SEMA6C: variants seen among roughly 807,000 people sequenced by gnomAD.
SEMA6C encodes the protein semaphorin 6C, also known as semaphorin-6C.
In SEMA6C, 37 loss-of-function variants were observed where a neutral mutation model predicts 72.9. The ratio of observed to expected loss-of-function variants is 0.51; its 90% CI spans 0.39 to 0.67. The LOEUF (loss-of-function observed/expected upper bound fraction) is 0.67. Ranked by LOEUF, SEMA6C falls within the 30% of genes least tolerant of loss-of-function variation. The pLI is 0.00. For missense variants in SEMA6C, 1,189 were observed against 1,263.6 expected, an observed-to-expected ratio of 0.94 and a Z score of 0.89; for synonymous variants, 578 against 554.1, an observed-to-expected ratio of 1.04 and a Z score of -0.61.
chr1:151,132,142 A>C lies in SEMA6C; in HGVS notation c.*342T>G. ...CCCAGAAGGCCCGAGGACTCTGGAC[A>C]CAGCGCGCGCGGCCCGCCCGGGGCA... On this transcript the variant is annotated 3_prime_UTR_variant, in exon 19 of 19. Coordinates refer to ENST00000368914, the MANE Select transcript of SEMA6C (RefSeq NM_030913.6). The C allele has an allele frequency of 7.8e-7, 1 of 1,286,508 alleles. No individual in the cohort carries two copies. The allele number at this position is 1,286,508 out of a possible 1,614,324, so 79.7% of individuals were successfully genotyped here.
Position 151,140,080 on chromosome 1 carries a change from T to C in SEMA6C, c.129A>G (p.Pro43=). ...LLISDLQGTS[P]LSWFRGLEDD... is the part of the protein sequence containing the mutation. ...CCTCCAGGCCCCGAAACCAGGATAATGGGGAAGTACCTTGAGGACACAGAG... is the reference window on the plus strand; with the variant it reads ...CCTCCAGGCCCCGAAACCAGGATAACGGGGAAGTACCTTGAGGACACAGAG... The change falls in exon 4 of 19, where the codon CCA becomes CCG. Residue 43 remains proline, a synonymous_variant. Transcript: ENST00000368914. 6.2e-7 allele frequency: 1 copy of C among 1,613,804 alleles called. No individual in the cohort carries two copies. The highest frequency in any genetic ancestry group is 8.5e-7 in the Non-Finnish European group (1 of 1,179,832).
Position 151,132,784 on chromosome 1 carries a change from G to A in SEMA6C, c.2493C>T (p.Ala831=), listed in dbSNP as rs1362061632. 1.2e-5 allele frequency: 17 copies of A among 1,367,318 alleles called. No individual in the cohort carries two copies. The highest frequency in any genetic ancestry group is 1.7e-5 in the South Asian group (1 of 58,846). 84.7% of individuals were successfully genotyped at this position (1,367,318 alleles called of 1,614,324 possible). The change falls in exon 19 of 19, where the codon GCC becomes GCT. Residue 831 remains alanine, a synonymous_variant. Transcript: ENST00000368914. The part of the protein sequence containing the change: ...DVPPEGRCAS[A]PARPALSAPA... ...GGGCGGAGAGCGCGGGCCGGGCGGG[G>A]GCAGAGGCGCACCTGCCCTCGGGGG...
At position 151,133,358 on chromosome 1, in the gene SEMA6C, A is replaced by G. The variant is rs1037802885; in HGVS notation, c.1919T>C (p.Ile640Thr). The G allele has an allele frequency of 1.9e-6, 3 of 1,600,060 alleles. No individual in the cohort carries two copies. Among genetic ancestry groups the G allele is most frequent in the Admixed American group, 1.7e-5 (1 of 59,392 alleles). Reference sequence around the variant, plus strand: ...AGGGCGCGGGAGCCCCGGAGTCTCGATGTCCTTGCCCCGACGTCGGTGGGC... The same window carrying G: ...AGGGCGCGGGAGCCCCGGAGTCTCGGTGTCCTTGCCCCGACGTCGGTGGGC... ...RRAHRRRGKD[I>T]ETPGLPRPLS... is the part of the protein sequence containing the mutation. The change falls in exon 19 of 19, where the codon ATC becomes ACC. Residue 640 changes from isoleucine to threonine, a missense_variant. By Grantham distance (89) the Ile-to-Thr change is moderately conservative. Coordinates refer to ENST00000368914, the MANE Select transcript of SEMA6C (RefSeq NM_030913.6). This position sits in a 1 kb window ranked among gnomAD's most constrained non-coding sequence, Gnocchi z 5.9.
chr1:151,140,234 G>A (rs1382301321), intron 3 of SEMA6C, 144 bp from the exon 4 acceptor site: 3 of 675,432 alleles, frequency 4.4e-6, no homozygotes, highest in African/African-American at 1.8e-5. Context: ...ATAACACTGA[G>A]TACTTAATCT....
intron 3 of SEMA6C, among the ~76,000 whole-genome samples, chr1:151,142,282 C>G (rs767600343): frequency 1.3e-5 from 2 of 152,150 alleles, no homozygotes; most frequent in African/African-American, 2.4e-5. Flanking sequence ...AGCCCATGCT[C>G]TTAACCTCCA....
At position 151,142,531 on chromosome 1, in the gene SEMA6C, G is replaced by A. The variant is rs35817752; in HGVS notation, c.91C>T (p.Leu31Phe). The A allele has an allele frequency of 8.2e-3, 13,306 of 1,613,176 alleles. 64 individuals carry two copies. Among genetic ancestry groups the A allele is most frequent in the Non-Finnish European group, 0.01 (12,089 of 1,179,682 alleles). The change falls in exon 3 of 19, where the codon CTC (leucine) becomes TTC (phenylalanine). Residue 31 changes from leucine to phenylalanine, a missense_variant. Around this residue, in one of 2 missense-constraint regions of SEMA6C, gnomAD observed 468 missense variants for 577.4 expected, o/e 0.81. Transcript: ENST00000368914. Reference sequence around the variant, plus strand: ...TGAAGGTCAGAGATCAACAGAGGGAGGGGGTCCTGGGGAAAGGCGGCCTGA... The same window carrying A: ...TGAAGGTCAGAGATCAACAGAGGGAAGGGGTCCTGGGGAAAGGCGGCCTGA... ...HTQAAFPQDPLPLLISDLQGT... is the reference protein window; with the variant it reads ...HTQAAFPQDPFPLLISDLQGT...
chr1:151,142,513 C>T lies in SEMA6C; in HGVS notation c.109G>A (p.Asp37Asn). The change falls in exon 3 of 19, where the codon GAC becomes AAC. Residue 37 changes from aspartate (D) to asparagine (N), a missense_variant. By Grantham distance (23) the Asp-to-Asn change is conservative. Around this residue, in one of 2 missense-constraint regions of SEMA6C, gnomAD observed 468 missense variants for 577.4 expected, o/e 0.81. Coordinates refer to ENST00000368914, the MANE Select transcript of SEMA6C (RefSeq NM_030913.6). ...GGTACTGGGCACTCACCTTGAAGGT[C>T]AGAGATCAACAGAGGGAGGGGGTCC... The part of the protein sequence containing the change: ...PQDPLPLLIS[D>N]LQGTSPLSWF... 6.2e-7 allele frequency: 1 copy of T among 1,613,158 alleles called. No homozygotes were observed.
chr1:151,135,426 GC>G, intron 14 of SEMA6C, 117 bp from the exon 15 acceptor site: 2 of 1,462,132 alleles, frequency 1.4e-6, no homozygotes, highest in Non-Finnish European at 9.3e-7. Flanking sequence ...CCATGGAGCT[GC>G]CCCGCCCTAC....
In SEMA6C at chr1:151,137,089, TG is replaced by T; in HGVS notation, c.757-16del. ...GAGAACTGCACCTAGGGGAGGAGAG[TG>T]GAGTAGACAATGGTGAGACAGACCC... On this transcript the variant is annotated splice_polypyrimidine_tract_variant and intron_variant, in intron 10 of 18. Coordinates refer to ENST00000368914, the MANE Select transcript of SEMA6C (RefSeq NM_030913.6). 1 of 1,608,498 alleles carries T rather than the reference TG, an allele frequency of 6.2e-7. No individual in the cohort carries two copies. The highest frequency in any genetic ancestry group is 8.5e-7 in the Non-Finnish European group (1 of 1,177,522).
rs1300458501 is a variant in SEMA6C, at chr1:151,134,623, G to A, written c.1711C>T (p.Gln571Ter). 1 of 1,614,168 alleles carries A rather than the reference G, an allele frequency of 6.2e-7. No individual in the cohort carries two copies. Among genetic ancestry groups the A allele is most frequent in the East Asian group, 2.2e-5 (1 of 44,890 alleles). The change falls in exon 17 of 19, where the codon CAA becomes TAA. Residue 571 changes from glutamine (Q) to a stop codon, truncating the protein, a stop_gained. Coordinates refer to ENST00000368914, the MANE Select transcript of SEMA6C (RefSeq NM_030913.6). LOFTEE classifies it low-confidence loss of function (END_TRUNC). ...AGCAGCTGCCTCTTCTGTTTACCTTGGCAGTCACCATGCTCCATGGATTCC... is the reference window on the plus strand; with the variant it reads ...AGCAGCTGCCTCTTCTGTTTACCTTAGCAGTCACCATGCTCCATGGATTCC... Reference protein sequence around the residue: ...NQESMEHGDCQDGATGSQSGP... With the variant: ...NQESMEHGDC
chr1:151,135,464 C>T, intron 14 of SEMA6C, 127 bp downstream of exon 14: 1 of 1,449,314 alleles, frequency 6.9e-7, no homozygotes, highest in Non-Finnish European at 9.4e-7. Context: ...CTCGCCAAGC[C>T]TGTCTAGCCC....
chr1:151,146,367 C>G lies in SEMA6C; in HGVS notation c.-105+66G>C, dbSNP rs977808385. On this transcript the variant is annotated intron_variant, in intron 1 of 18. Coordinates refer to ENST00000368914, the MANE Select transcript of SEMA6C (RefSeq NM_030913.6). The surrounding 1 kb of genome is among the most constrained non-coding windows in gnomAD (Gnocchi z 4.6). ...CCTAGCGCTTCAGAAGCTTGCCCCC[C>G]GCCGGCCGCGCCCTCCTGCTCCCTC... 6.5e-6 allele frequency: 1 copy of G among 152,770 alleles called. No individual in the cohort carries two copies. Among genetic ancestry groups the G allele is most frequent in the Admixed American group, 6.5e-5 (1 of 15,316 alleles). 9.5% of individuals were successfully genotyped at this position (152,770 alleles called of 1,614,324 possible). A position where few individuals can be genotyped will look rare whatever the true frequency, so the allele number is the denominator to read the frequency against.
rs1040642584 is a variant in SEMA6C at position 151,135,441 on chromosome 1, A to G, written c.1434-132T>C. On this transcript the variant is annotated intron_variant, in intron 14 of 18. Coordinates refer to ENST00000368914, the MANE Select transcript of SEMA6C (RefSeq NM_030913.6). ...CCATGGAGCTGCCCCGCCCTACCAC[A>G]CTGTCCAGTCTTCTCGCCAAGCCTG... 2.9e-5 allele frequency: 42 copies of G among 1,444,638 alleles called. No homozygotes were observed. In the Admixed American group the frequency reaches 7.8e-4, roughly 27 times the overall value. The allele number at this position is 1,444,638 out of a possible 1,614,324, so 89.5% of individuals were successfully genotyped here. A position where few individuals can be genotyped will look rare whatever the true frequency, so the allele number is the denominator to read the frequency against.
chr1:151,132,457 C>T lies in SEMA6C; in HGVS notation c.*27G>A, dbSNP rs1182727554. ...TGGCCGAGAGGACTCGGGCGCTCCC[C>T]ACGCTGGAGGCCGTGGGCCGCTCCC... On this transcript the variant is annotated 3_prime_UTR_variant, in exon 19 of 19. Coordinates refer to ENST00000368914, the MANE Select transcript of SEMA6C (RefSeq NM_030913.6). The T allele has an allele frequency of 1.3e-6, 2 of 1,539,544 alleles. No homozygotes were observed. The highest frequency in any genetic ancestry group is 1.8e-6 in the Non-Finnish European group (2 of 1,140,818).
chr1:151,134,726 C>G, intron 16 of SEMA6C, 51 bp from the exon 17 acceptor site: 1 of 1,612,322 alleles, frequency 6.2e-7, no homozygotes, highest in Non-Finnish European at 8.5e-7. Flanking sequence ...TCCGTATCTC[C>G]CACTCTGGCC....
chr1:151,136,284 C>T (rs587756253), intron 12 of SEMA6C, 121 bp from the exon 13 acceptor site: 17 of 1,481,890 alleles, frequency 1.1e-5, no homozygotes, highest in Middle Eastern at 1.9e-4. Flanking sequence ...CACAGACACT[C>T]GTAGCACTGT....
rs587754516 is a variant in SEMA6C, at chr1:151,133,706, T to C, written c.1760-189A>G. Among the ~76,000 whole-genome samples the C allele has an allele frequency of 6.6e-6, 1 of 152,284 alleles. No homozygotes were observed. Among genetic ancestry groups the C allele is most frequent in the South Asian group, 2.1e-4 (1 of 4,828 alleles). ...ACTCCTCAGCATACAGCCCACGCAC[T>C]ACCCCTCACACTCAGGCCAGAGCTT... On this transcript the variant is annotated intron_variant, in intron 18 of 18. Transcript: ENST00000368914. The surrounding 1 kb of genome is among the most constrained non-coding windows in gnomAD (Gnocchi z 5.9).
intron 3 of SEMA6C, among the ~76,000 whole-genome samples, chr1:151,141,476 C>T (rs1010844045): frequency 2.1e-4 from 32 of 152,126 alleles, no homozygotes. Flanking sequence ...ATGGCGCGAT[C>T]TCGGCTCACT....
chr1:151,133,462 G>A lies in SEMA6C; in HGVS notation c.1815C>T (p.Leu605=), dbSNP rs759703451. Reference sequence around the variant, plus strand: ...AAGCTGCGGCCACACTGGCCAGGAGGAGTGGGATGGGGACGGAGCGGGAGG... The same window carrying A: ...AAGCTGCGGCCACACTGGCCAGGAGAAGTGGGATGGGGACGGAGCGGGAGG... ...ASASRSVPIP[L]LLASVAAAFA... is the part of the protein sequence containing the mutation. Residue 605 remains leucine (L), a synonymous_variant, in exon 19 of 19, where the codon CTC becomes CTT. Transcript: ENST00000368914. The surrounding 1 kb of genome is among the most constrained non-coding windows in gnomAD (Gnocchi z 5.9). 35 of 1,558,620 alleles carry A rather than the reference G, an allele frequency of 2.2e-5. No individual in the cohort carries two copies. The East Asian group carries it at 7.8e-4, about 35-fold the overall frequency.
Sources: allele counts gnomAD v4.1 joint callset (sites outside exome capture counted in the v4.1 genomes callset), GRCh38; gene constraint gnomAD v4.1.1; regional missense constraint gnomAD v4.1.1; non-coding constraint Gnocchi (gnomAD v3.1); transcripts MANE v1.5; gene names NCBI Gene and HGNC (gene_info 2026-07-23, HGNC 2026-07-21).